The following MYO1E variants were observed in gnomAD, a reference collection of about 807,000 sequenced individuals.
MYO1E encodes the protein unconventional myosin-Ie.
Under a neutral mutation model 151.1 loss-of-function variants are expected in MYO1E, and 68 were observed. That is an observed-to-expected ratio of 0.45 (90% confidence interval 0.37 to 0.55). MYO1E has a LOEUF of 0.55. MYO1E is among the 20% of genes least tolerant of loss of function. The pLI, the probability that MYO1E is intolerant of heterozygous loss-of-function variation, is 0.00. For missense variants in MYO1E, 1,363 were observed against 1,389.3 expected, an observed-to-expected ratio of 0.98 and a Z score of 0.30; for synonymous variants, 601 against 501.7, an observed-to-expected ratio of 1.20 and a Z score of -2.64.
intron 6 of MYO1E, among the ~76,000 whole-genome samples, chr15:59,230,259 T>C (rs140830132): frequency 1.4e-5 from 2 of 146,330 alleles, no homozygotes; most frequent in Non-Finnish European, 3.1e-5. Context: ...TGTGTGCAGG[T>C]GAATGTGTGT....
At chr15:59,209,142 T>C (rs2079860421) in intron 13 of MYO1E, 1 of 462,104 alleles carries the variant, frequency 2.2e-6, no homozygotes, top group African/African-American at 1.9e-5. Context: ...CAAATTGACT[T>C]GCTTAAGAAT....
chr15:59,263,788 T>G (rs17236495), intron 2 of MYO1E, among the ~76,000 whole-genome samples: 35,578 of 151,866 alleles, frequency 0.23, 4,865 homozygotes, highest in East Asian at 0.54. Flanking sequence ...GAGACAGTGA[T>G]TGAGCCATAA....
At chr15:59,236,441 T>C in intron 5 of MYO1E, 144 bp downstream of exon 5, 1 of 592,818 alleles carries the variant, frequency 1.7e-6, no homozygotes. Flanking sequence ...CATATGCTAT[T>C]CCTTTCCATT....
intron 25 of MYO1E, among the ~76,000 whole-genome samples, chr15:59,155,643 A>T (rs2140307894): frequency 6.6e-6 from 1 of 152,314 alleles, no homozygotes; most frequent in African/African-American, 2.4e-5. Flanking sequence ...TCTCCACTGG[A>T]ACCAGCGCAC....
chr15:59,183,348 GTTT>G (rs34330073), intron 18 of MYO1E, among the ~76,000 whole-genome samples: 1 of 146,470 alleles, frequency 6.8e-6, no homozygotes, highest in Non-Finnish European at 1.5e-5. Context: ...GTTTGATCAG[GTTT>G]TTTTTTTTTT....
At chr15:59,285,945 T>C (rs767944507) in intron 1 of MYO1E, among the ~76,000 whole-genome samples, 11 of 152,192 alleles carry the variant, frequency 7.2e-5, no homozygotes, top group Non-Finnish European at 8.8e-5. Flanking sequence ...GTCTCTGAAG[T>C]AGTAGCTGCT....
chr15:59,272,218 G>A (rs1322142963), intron 2 of MYO1E, 88 bp downstream of exon 2: 3 of 1,483,212 alleles, frequency 2.0e-6, no homozygotes, highest in Admixed American at 1.7e-5. Flanking sequence ...TTACACACGT[G>A]AGCCACTGCA....
chr15:59,226,881 C>G (rs1221294391), intron 7 of MYO1E, among the ~76,000 whole-genome samples: 1 of 152,122 alleles, frequency 6.6e-6, no homozygotes, highest in African/African-American at 2.4e-5. Context: ...CAAAAAGCAC[C>G]CTGCAAGCTG....
chr15:59,372,369 C>G (rs983585070), intron 1 of MYO1E, 129 bp downstream of exon 1: 16 of 1,143,484 alleles, frequency 1.4e-5, no homozygotes, highest in Non-Finnish European at 1.8e-5. Context: ...GAGCTCGCGA[C>G]GTGCCGGCTC....
chr15:59,249,625 G>T (rs1196737557), intron 4 of MYO1E, among the ~76,000 whole-genome samples: 11 of 152,050 alleles, frequency 7.2e-5, no homozygotes, highest in Admixed American at 2.0e-4. Context: ...CTGGGAGGTG[G>T]AAGTCTAAAA....
At chr15:59,215,608 C>G (rs564076160) in intron 10 of MYO1E, among the ~76,000 whole-genome samples, 1 of 152,228 alleles carries the variant, frequency 6.6e-6, no homozygotes, top group East Asian at 1.9e-4. Flanking sequence ...TGATGAATAC[C>G]TGGACGAATT....
At chr15:59,204,092 A>C (rs1237906177) in intron 15 of MYO1E, among the ~76,000 whole-genome samples, 4 of 152,358 alleles carry the variant, frequency 2.6e-5, no homozygotes, top group Middle Eastern at 3.4e-3. Flanking sequence ...TTTAAAAACA[A>C]TCTCTGGAAG....
intron 4 of MYO1E, among the ~76,000 whole-genome samples, chr15:59,251,089 C>T (rs1294137062): frequency 6.6e-6 from 1 of 152,170 alleles, no homozygotes; most frequent in Non-Finnish European, 1.5e-5. Flanking sequence ...ATCCTGGACC[C>T]TCATTAAATT....
intron 1 of MYO1E, among the ~76,000 whole-genome samples, chr15:59,348,099 C>T (rs1177259271): frequency 4.6e-5 from 7 of 152,018 alleles, no homozygotes; most frequent in African/African-American, 1.2e-4. Context: ...TTTGATGCCT[C>T]GCCATGTTTT....
Position 59,178,394 on chromosome 15 carries a change from G to C in MYO1E, c.2048C>G (p.Ser683Cys). The change falls in exon 19 of 28, where the codon TCT (serine) becomes TGT (cysteine). Residue 683 changes from serine to cysteine, a missense_variant and splice_region_variant. Coordinates refer to ENST00000288235, the MANE Select transcript of MYO1E (RefSeq NM_004998.4). ...RSKVFIKAPE[S>C]LFLLEEMRER... ...GTGGAGAGCCAGCCAAGCACTCACA[G>C]ACTCGGGGGCTTTGATGAACACTTT... is the stretch of plus-strand genomic sequence containing the variant. 2 of 1,614,212 alleles carry C rather than the reference G, an allele frequency of 1.2e-6. No individual in the cohort carries two copies. The highest frequency in any genetic ancestry group is 1.7e-6 in the Non-Finnish European group (2 of 1,180,014).
rs777319414 is a variant in MYO1E at position 59,227,580 on chromosome 15, A to T, written c.521T>A (p.Phe174Tyr). Residue 174 changes from phenylalanine to tyrosine, a missense_variant, in exon 7 of 28, where the codon TTT (phenylalanine) becomes TAT (tyrosine). Coordinates refer to ENST00000288235, the MANE Select transcript of MYO1E (RefSeq NM_004998.4). ...CCCACCTGGACTGAACTGGATTTCA[A>T]AGTATTTTCCCTGCAAGAAAGTTAG... is the stretch of plus-strand genomic sequence containing the variant. ...NNNSSRFGKY[F>Y]EIQFSPGGEP... 6.2e-7 allele frequency: 1 copy of T among 1,614,158 alleles called. No individual in the cohort carries two copies. The highest frequency in any genetic ancestry group is 1.7e-5 in the Admixed American group (1 of 60,030).
At chr15:59,279,610 C>T (rs571905067) in intron 1 of MYO1E, among the ~76,000 whole-genome samples, 148 of 152,274 alleles carry the variant, frequency 9.7e-4, no homozygotes, top group African/African-American at 3.3e-3. Context: ...ACTACACTCC[C>T]CCCTGGGCCA....
chr15:59,293,592 T>C (rs1314049442), intron 1 of MYO1E, among the ~76,000 whole-genome samples: 3 of 151,440 alleles, frequency 2.0e-5, no homozygotes, highest in South Asian at 2.1e-4. Context: ...AATTAAAAAA[T>C]ATGTATAAAG....
In MYO1E at chr15:59,163,427, A is replaced by G. The variant is rs1173341327; in HGVS notation, c.2481-124T>C. ...CTAAGATTTTACAGTCTTTCTTTCTATAAGTAATAATCTTTCAAACAAAAC... is the reference window on the plus strand; with the variant it reads ...CTAAGATTTTACAGTCTTTCTTTCTGTAAGTAATAATCTTTCAAACAAAAC... On this transcript the variant is annotated intron_variant, in intron 22 of 27. Coordinates refer to ENST00000288235, the MANE Select transcript of MYO1E (RefSeq NM_004998.4). The G allele has an allele frequency of 9.5e-6, 9 of 946,982 alleles. No individual in the cohort carries two copies. In the African/African-American group the frequency reaches 1.0e-4, roughly 11 times the overall value. 58.7% of individuals were successfully genotyped at this position (946,982 alleles called of 1,614,324 possible).
Sources: gnomAD v4.1 joint callset for allele counts (sites outside exome capture counted in the v4.1 genomes callset) on GRCh38, gnomAD v4.1.1 for gene constraint, MANE v1.5 for transcripts, NCBI Gene and HGNC (gene_info 2026-07-23, HGNC 2026-07-21) for gene names.